The following NLGN4X variants were observed in gnomAD, a reference collection of about 807,000 sequenced individuals.
NLGN4X encodes the protein neuroligin 4 X-linked.
NLGN4X carries 3 observed loss-of-function variants against 40.3 expected under a neutral mutation model. The observed-to-expected ratio is 0.07, with a 90% confidence interval of 0.03 to 0.19. The LOEUF is 0.19. NLGN4X is among the 10% of genes least tolerant of loss of function. NLGN4X has a pLI of 1.00. For synonymous variants in NLGN4X, 270 were observed against 306.8 expected, an observed-to-expected ratio of 0.88 and a Z score of 1.25; for missense variants, 382 against 708.3, an observed-to-expected ratio of 0.54 and a Z score of 5.23.
intron 2 of NLGN4X, among the ~76,000 whole-genome samples, chrX:6,069,749 C>T (rs1015134013): frequency 1.8e-5 from 2 of 111,973 alleles, no homozygotes; most frequent in African/African-American, 6.5e-5. Context: ...CTTGAGGCAT[C>T]ATGTAAAAAA....
intron 2 of NLGN4X, among the ~76,000 whole-genome samples, chrX:6,138,360 T>C (rs1051210139): frequency 3.6e-5 from 4 of 111,753 alleles, no homozygotes; most frequent in Admixed American, 9.6e-5. Flanking sequence ...CAACATGTTT[T>C]CTAAGACTTC....
chrX:6,033,329 T>G (rs952690332), intron 2 of NLGN4X, among the ~76,000 whole-genome samples: 1 of 111,764 alleles, frequency 8.9e-6, no homozygotes, highest in Non-Finnish European at 1.9e-5. Flanking sequence ...TCTCAAAAAG[T>G]CAGAATTGTG....
chrX:6,153,029 C>T (rs1470338230), intron 1 of NLGN4X, among the ~76,000 whole-genome samples: 1 of 112,618 alleles, frequency 8.9e-6, no homozygotes, highest in Non-Finnish European at 1.9e-5. Context: ...GTTAAATGAT[C>T]CCCTAGGAAC....
chrX:6,221,745 T>C (rs923792326), intron 1 of NLGN4X, among the ~76,000 whole-genome samples: 1 of 110,826 alleles, frequency 9.0e-6, no homozygotes, highest in African/African-American at 3.3e-5. Context: ...AGCGAGCTTC[T>C]TCTGCCCCCA....
chrX:6,216,187 G>A (rs777338261), intron 1 of NLGN4X, among the ~76,000 whole-genome samples: 1 of 111,686 alleles, frequency 9.0e-6, no homozygotes, highest in African/African-American at 3.3e-5. Context: ...TTTGAAGAGA[G>A]AATTTTTTTC....
intron 3 of NLGN4X, among the ~76,000 whole-genome samples, chrX:6,015,184 T>C (rs148432490): frequency 2.8e-3 from 315 of 111,766 alleles, no homozygotes; most frequent in African/African-American, 9.8e-3. Flanking sequence ...TGCTGTAGGA[T>C]TGGGGATTTT....
chrX:6,186,373 G>A (rs745763389), intron 1 of NLGN4X, among the ~76,000 whole-genome samples: 2 of 112,515 alleles, frequency 1.8e-5, no homozygotes, highest in East Asian at 5.6e-4. Flanking sequence ...ATAAGGTAGG[G>A]CATGTGTGCG....
At chrX:5,919,504 A>C (rs949762352) in intron 3 of NLGN4X, among the ~76,000 whole-genome samples, 6 of 111,622 alleles carry the variant, frequency 5.4e-5, no homozygotes, top group African/African-American at 1.6e-4. Flanking sequence ...GCCATGGACC[A>C]GTTTTGGTTA....
Position 6,118,769 on chromosome X carries a change from T to C in NLGN4X, c.472+32226A>G, listed in dbSNP as rs774626365. Among the ~76,000 whole-genome samples the C allele has an allele frequency of 1.3e-3, 144 of 111,584 alleles. 1 individual carries two copies. Among genetic ancestry groups the C allele is most frequent in the Middle Eastern group, 4.6e-3 (1 of 219 alleles). On this transcript the variant is annotated intron_variant, in intron 2 of 5. Transcript: ENST00000381095. Reference sequence around the variant, plus strand: ...ATTACATTGTGGGTTCCAATATTCATCACGGAAAAGCTAAAGCCCTCTCAA... The same window carrying C: ...ATTACATTGTGGGTTCCAATATTCACCACGGAAAAGCTAAAGCCCTCTCAA...
intron 1 of NLGN4X, among the ~76,000 whole-genome samples, chrX:6,194,505 A>G (rs185343689): frequency 1.1e-3 from 124 of 111,795 alleles, no homozygotes; most frequent in Middle Eastern, 9.2e-3. Context: ...TAAGGGAAGA[A>G]GAGGATACAT....
chrX:6,161,764 T>C (rs1445770712), intron 1 of NLGN4X, among the ~76,000 whole-genome samples: 1 of 109,932 alleles, frequency 9.1e-6, no homozygotes, highest in African/African-American at 3.3e-5. Context: ...TATATATAAA[T>C]ACGTGGAAAG....
At chrX:5,956,141 T>C (rs201321484) in intron 3 of NLGN4X, among the ~76,000 whole-genome samples, 3 of 108,069 alleles carry the variant, frequency 2.8e-5, no homozygotes, top group African/African-American at 6.7e-5. Context: ...TAATATATAT[T>C]TAATCTGTAA....
intron 2 of NLGN4X, among the ~76,000 whole-genome samples, chrX:6,060,633 C>T (rs773349276): frequency 6.3e-5 from 7 of 111,883 alleles, no homozygotes; most frequent in Non-Finnish European, 7.5e-5. Context: ...ATCCCTCGTG[C>T]TCCATCTTCA....
chrX:6,022,505 G>A (rs1002260930), intron 3 of NLGN4X, among the ~76,000 whole-genome samples: 1 of 111,774 alleles, frequency 8.9e-6, no homozygotes, highest in Non-Finnish European at 1.9e-5. Flanking sequence ...GAACATACAG[G>A]TCATTTATAA....
In NLGN4X at chrX:6,065,241, G is replaced by A. The variant is rs2037880121; in HGVS notation, c.473-35809C>T. ...CCCAATTTACCCATGTAACAAACCT[G>A]CACATGTACCCTCTGAACCTAAAAT... On this transcript the variant is annotated intron_variant, in intron 2 of 5. Coordinates refer to ENST00000381095, the MANE Select transcript of NLGN4X (RefSeq NM_181332.3). Among the ~76,000 whole-genome samples the A allele has an allele frequency of 4.6e-5, 5 of 109,618 alleles. No individual in the cohort carries two copies. In the South Asian group the frequency reaches 2.0e-3, roughly 44 times the overall value.
intron 3 of NLGN4X, among the ~76,000 whole-genome samples, chrX:5,946,506 T>A (rs1419741101): frequency 1.8e-5 from 2 of 110,907 alleles, no homozygotes; most frequent in Non-Finnish European, 3.8e-5. Context: ...GTGGAGCTCC[T>A]ATAGTTTATT....
At chrX:5,987,777 T>C (rs1054643852) in intron 3 of NLGN4X, among the ~76,000 whole-genome samples, 9 of 112,151 alleles carry the variant, frequency 8.0e-5, no homozygotes, top group Admixed American at 2.8e-4. Flanking sequence ...TTCCTGTTAA[T>C]TTAAAAGGTA....
intron 2 of NLGN4X, among the ~76,000 whole-genome samples, chrX:6,100,376 C>T (rs1288463615): frequency 8.9e-6 from 1 of 112,411 alleles, no homozygotes; most frequent in East Asian, 2.8e-4. Flanking sequence ...CAACACTAGC[C>T]TAGTTCATCA....
rs762800189 is a variant in NLGN4X at position 5,957,856 on chromosome X, C to T, written c.626-48617G>A. On this transcript the variant is annotated intron_variant, in intron 3 of 5. Transcript: ENST00000381095. ...ATAAATTTACCCAGTATAAAATAAA[C>T]TTTGTTCCATCATTAGAGTTTAATT... is the stretch of plus-strand genomic sequence containing the variant. Among the ~76,000 whole-genome samples the T allele has an allele frequency of 3.6e-5, 4 of 112,219 alleles. No individual in the cohort carries two copies. In the South Asian group the frequency reaches 1.5e-3, roughly 41 times the overall value.
Sources: allele counts gnomAD v4.1 joint callset (sites outside exome capture counted in the v4.1 genomes callset), GRCh38; gene constraint gnomAD v4.1.1; transcripts MANE v1.5; gene names NCBI Gene and HGNC (gene_info 2026-07-23, HGNC 2026-07-21).